QRICH1: variants seen among roughly 807,000 people sequenced by gnomAD.
QRICH1 encodes glutamine rich 1.
Under a neutral mutation model 87.1 loss-of-function variants are expected in QRICH1, and 16 were observed. The ratio of observed to expected loss-of-function variants is 0.18; its 90% confidence interval spans 0.12 to 0.28. The LOEUF is 0.28. Ranked by LOEUF, QRICH1 falls within the 10% of genes least tolerant of loss-of-function variation. The probability of loss-of-function intolerance (pLI) is 1.00; values close to 1 mark genes in which losing one functional copy is unlikely to be tolerated. For synonymous variants in QRICH1, 367 were observed against 368.4 expected (o/e 1.00, Z 0.05); for missense variants, 647 against 951.7 (o/e 0.68, Z 4.21).
Position 49,056,844 on chromosome 3 carries a change from T to C in QRICH1, c.1338+18A>G. ...TGAGGGACCAGGCTGCCTGCCCTAC[T>C]GATAAGTCTTCACTTACTGAACAAG... On this transcript the variant is annotated intron_variant, in intron 3 of 9. Transcript: ENST00000395443. 6.2e-7 allele frequency: 1 copy of C among 1,614,182 alleles called. No individual in the cohort carries two copies. Among genetic ancestry groups the C allele is most frequent in the African/African-American group, 1.3e-5 (1 of 75,052 alleles).
chr3:49,080,277 G>A (rs1048324440), intron 1 of QRICH1, among the ~76,000 whole-genome samples: 2 of 152,070 alleles, frequency 1.3e-5, no homozygotes, highest in African/African-American at 2.4e-5. Context: ...ACTGTCAGTT[G>A]CATTCACATA....
intron 2 of QRICH1, among the ~76,000 whole-genome samples, chr3:49,065,103 A>AT (rs1206938760): frequency 6.6e-6 from 1 of 152,208 alleles, no homozygotes. Context: ...AATAATTATA[A>AT]TAAGAATTGC....
chr3:49,087,593 A>T (rs1357370237), intron 1 of QRICH1, among the ~76,000 whole-genome samples: 5 of 151,174 alleles, frequency 3.3e-5, no homozygotes, highest in South Asian at 4.2e-4. Flanking sequence ...ATAAAAAAAT[A>T]GGCCAGGTGC....
intron 3 of QRICH1, among the ~76,000 whole-genome samples, chr3:49,050,248 C>CAAAAAAAAAAAAAAAAAAAAAAAAAAAA (rs527597101): frequency 7.6e-5 from 4 of 52,414 alleles, no homozygotes; most frequent in African/African-American, 2.0e-4. Context: ...GACTCCGTCT[C>CAAAAAAAAAAAAAAAAAAAAAAAAAAAA]AAAAAAAAAA....
intron 1 of QRICH1, among the ~76,000 whole-genome samples, chr3:49,090,606 C>T (rs1298162706): frequency 7.4e-6 from 1 of 135,960 alleles, no homozygotes; most frequent in Non-Finnish European, 1.5e-5. Flanking sequence ...CCAGCCTGGG[C>T]GACAAGAGTG....
intron 3 of QRICH1, among the ~76,000 whole-genome samples, chr3:49,055,003 T>C (rs1440816407): frequency 6.6e-6 from 1 of 152,196 alleles, no homozygotes; most frequent in African/African-American, 2.4e-5. Flanking sequence ...TGTGTATATG[T>C]CATAATTATT....
At chr3:49,046,910 C>A (rs995313014) in intron 4 of QRICH1, among the ~76,000 whole-genome samples, 159 bp downstream of exon 4, 1 of 152,184 alleles carries the variant, frequency 6.6e-6, no homozygotes, top group African/African-American at 2.4e-5. Flanking sequence ...TACACAAGGT[C>A]AGTACTGCTT....
intron 3 of QRICH1, among the ~76,000 whole-genome samples, chr3:49,047,940 G>A (rs558363298): frequency 2.6e-5 from 4 of 151,862 alleles, no homozygotes; most frequent in Admixed American, 6.6e-5. Flanking sequence ...AAAGAAAAAA[G>A]AAAAAACAAA....
intron 3 of QRICH1, among the ~76,000 whole-genome samples, chr3:49,055,390 C>G (rs2093395275): frequency 1.3e-5 from 2 of 152,132 alleles, no homozygotes; most frequent in South Asian, 4.2e-4. Context: ...TTTTACCAAT[C>G]AGTTCTTTTA....
chr3:49,064,473 G>T (rs780501178), intron 2 of QRICH1, among the ~76,000 whole-genome samples: 4 of 151,024 alleles, frequency 2.6e-5, no homozygotes, highest in African/African-American at 4.9e-5. Context: ...ACCTGGTCTT[G>T]AACTCATATC....
rs1043423962 is a variant in QRICH1, at chr3:49,030,077, G to A, written c.*375C>T. On this transcript the variant is annotated 3_prime_UTR_variant, in exon 10 of 10. Transcript: ENST00000395443. ...AAGTCTGTCAGCCCAGTGGAAGTCG[G>A]CTGGGGAGATTCCCTCCAGGGTCCA... 6 of 331,588 alleles carry A rather than the reference G, an allele frequency of 1.8e-5. No homozygotes were observed. Among genetic ancestry groups the A allele is most frequent in the Non-Finnish European group, 3.3e-5 (6 of 183,620 alleles). The allele number at this position is 331,588 out of a possible 1,614,324, so 20.5% of individuals were successfully genotyped here. A position where few individuals can be genotyped will look rare whatever the true frequency, so the allele number is the denominator to read the frequency against.
intron 2 of QRICH1, among the ~76,000 whole-genome samples, chr3:49,067,175 C>T (rs914480252): frequency 6.6e-6 from 1 of 152,170 alleles, no homozygotes; most frequent in Non-Finnish European, 1.5e-5. Context: ...AGTGGTGGCA[C>T]CTGTCCGTCA....
Position 49,050,248 on chromosome 3 carries a change from C to CAAAAAAAAAAAAAA in QRICH1, c.1339-3016_1339-3003dup, listed in dbSNP as rs527597101. Among the ~76,000 whole-genome samples the CAAAAAAAAAAAAAA allele has an allele frequency of 1.2e-3, 61 of 52,408 alleles. 2 individuals are homozygous for CAAAAAAAAAAAAAA. Among genetic ancestry groups the CAAAAAAAAAAAAAA allele is most frequent in the African/African-American group, 3.3e-3 (34 of 10,170 alleles). 34.4% of individuals were successfully genotyped at this position (52,408 alleles called of 152,430 possible). ...TGGGCTAAAGAGCGGGACTCCGTCTCAAAAAAAAAAAAAAAAAAAAAAAAA... is the reference window on the plus strand; with the variant it reads ...TGGGCTAAAGAGCGGGACTCCGTCTCAAAAAAAAAAAAAAAAAAAAAAAAAAAAAAAAAAAAAAA... On this transcript the variant is annotated intron_variant, in intron 3 of 9. Coordinates refer to ENST00000395443, the MANE Select transcript of QRICH1 (RefSeq NM_198880.3).
chr3:49,043,458 T>TA (rs1253919998), intron 6 of QRICH1, among the ~76,000 whole-genome samples: 1 of 125,690 alleles, frequency 8.0e-6, no homozygotes, highest in Non-Finnish European at 1.6e-5. Flanking sequence ...ATCACACCAT[T>TA]GCACTCCAGC....
At position 49,030,545 on chromosome 3, in the gene QRICH1, G is replaced by C; in HGVS notation, c.2238C>G (p.Ser746Arg). ...TCAGCATTTGTCCCATCTGCTCTCT[G>C]CTGATAGGCTGGACTGAGTACCAGA... ...SPIWYSVQPI[S>R]REQMGQMLTR... is the part of the protein sequence containing the mutation. The change falls in exon 10 of 10, where the codon AGC becomes AGG. Residue 746 changes from serine (S) to arginine (R), a missense_variant. Ser to Arg is a moderately radical substitution (Grantham distance 110). Transcript: ENST00000395443. The C allele has an allele frequency of 6.2e-7, 1 of 1,614,058 alleles. No individual in the cohort carries two copies. Among genetic ancestry groups the C allele is most frequent in the Non-Finnish European group, 8.5e-7 (1 of 1,179,970 alleles).
chr3:49,074,856 G>A (rs1187516407), intron 2 of QRICH1, among the ~76,000 whole-genome samples: 1 of 151,784 alleles, frequency 6.6e-6, no homozygotes, highest in East Asian at 2.0e-4. Context: ...GCAGCTGCCT[G>A]TAGTCCCAGC....
rs143438350 is a variant in QRICH1, at chr3:49,056,708, C to T, written c.1338+154G>A. The T allele has an allele frequency of 3.5e-4, 456 of 1,295,970 alleles. 3 individuals carry two copies. Among genetic ancestry groups the T allele is most frequent in the African/African-American group, 2.8e-4 (19 of 67,754 alleles). The allele number at this position is 1,295,970 out of a possible 1,614,324, so 80.3% of individuals were successfully genotyped here. The stretch of plus-strand genomic sequence containing the variant: ...CTCTTTTTTCTGTTGCATAGCCTCA[C>T]GTGATGTTTCTCCCCCTCTTCTCCC... On this transcript the variant is annotated intron_variant, in intron 3 of 9. Transcript: ENST00000395443.
In QRICH1 at chr3:49,033,127, TA is replaced by T; in HGVS notation, c.1887del (p.Phe629LeufsTer8). 6.4e-7 allele frequency: 1 copy of T among 1,550,612 alleles called. No homozygotes were observed. The highest frequency in any genetic ancestry group is 8.7e-7 in the Non-Finnish European group (1 of 1,149,336). On this transcript the variant is annotated frameshift_variant, in exon 7 of 10. Coordinates refer to ENST00000395443, the MANE Select transcript of QRICH1 (RefSeq NM_198880.3). LOFTEE classifies it high-confidence loss of function. Reference protein sequence around the residue: ...PSTLLTTLMFFNTKYFLLKTV... With the variant: ...PSTLLTTLMFXNTKYFLLKTV... The stretch of plus-strand genomic sequence containing the variant: ...AGCCTCTAGAACACTTACTTGGTAT[TA>T]AAGAACATGAGGGTGGTCAGCAAGG...
At chr3:49,092,534 C>G (rs528130763) in intron 1 of QRICH1, 15 of 152,016 alleles carry the variant, frequency 9.9e-5, no homozygotes, top group Non-Finnish European at 2.2e-4. Context: ...TTCTTAAAAA[C>G]AATACAGTAC....
Sources: gnomAD v4.1 joint callset for allele counts (sites outside exome capture counted in the v4.1 genomes callset) on GRCh38, gnomAD v4.1.1 for gene constraint, MANE v1.5 for transcripts, NCBI Gene and HGNC (gene_info 2026-07-23, HGNC 2026-07-21) for gene names.